The following MYO9A variants were observed in gnomAD, a reference collection of about 807,000 sequenced individuals.
MYO9A encodes unconventional myosin-IXa.
Under a neutral mutation model 293.3 loss-of-function variants are expected in MYO9A, and 103 were observed. That is an observed-to-expected ratio of 0.35 (90% confidence interval 0.30 to 0.41). The LOEUF (loss-of-function observed/expected upper bound fraction) is 0.41, where lower values mean the gene tolerates loss of function less well. Ranked by LOEUF, MYO9A falls within the 10% of genes least tolerant of loss-of-function variation. The pLI, the probability that MYO9A is intolerant of heterozygous loss-of-function variation, is 1.00. For missense variants in MYO9A, 2,685 were observed against 3,033.0 expected (o/e 0.89, Z 2.69); for synonymous variants, 1,001 against 1,035.7 (o/e 0.97, Z 0.64).
At chr15:71,998,404 T>A (rs953204646) in intron 9 of MYO9A, among the ~76,000 whole-genome samples, 2 of 151,926 alleles carry the variant, frequency 1.3e-5, no homozygotes, top group African/African-American at 4.8e-5. Flanking sequence ...TGACACAAGT[T>A]TACCTATATA....
chr15:71,984,096 CTT>C (rs769189839), intron 11 of MYO9A, among the ~76,000 whole-genome samples: 1 of 152,166 alleles, frequency 6.6e-6, no homozygotes, highest in Non-Finnish European at 1.5e-5. Context: ...TTTCTGCAGA[CTT>C]TATCTTTGCC....
intron 7 of MYO9A, among the ~76,000 whole-genome samples, chr15:72,008,338 T>A (rs570034405): frequency 6.6e-6 from 1 of 152,270 alleles, no homozygotes; most frequent in Non-Finnish European, 1.5e-5. Context: ...AGGCCTTGAA[T>A]CTGTATTTTT....
At chr15:72,018,341 G>A (rs528097753) in intron 6 of MYO9A, among the ~76,000 whole-genome samples, 54 of 152,122 alleles carry the variant, frequency 3.5e-4, no homozygotes, top group African/African-American at 1.3e-3. Flanking sequence ...GGTGGCGCAC[G>A]CCTGTAATCC....
At chr15:72,062,126 T>A (rs993328355) in intron 1 of MYO9A, among the ~76,000 whole-genome samples, 1 of 152,178 alleles carries the variant, frequency 6.6e-6, no homozygotes, top group Non-Finnish European at 1.5e-5. Context: ...AAAGCCACAG[T>A]GTTACTGGGG....
At chr15:71,838,152 T>G (rs1227558035) in intron 39 of MYO9A, among the ~76,000 whole-genome samples, 2 of 152,184 alleles carry the variant, frequency 1.3e-5, no homozygotes, top group African/African-American at 4.8e-5. Context: ...AAGTGGTTTA[T>G]AGTATCCTTT....
intron 11 of MYO9A, among the ~76,000 whole-genome samples, chr15:71,984,876 T>C (rs2148135917): frequency 6.6e-6 from 1 of 152,320 alleles, no homozygotes; most frequent in African/African-American, 2.4e-5. Flanking sequence ...GCTAATATCA[T>C]TGGCTGGATC....
chr15:72,066,485 A>AG (rs569088704), intron 1 of MYO9A, among the ~76,000 whole-genome samples: 18 of 81,794 alleles, frequency 2.2e-4, no homozygotes, highest in Middle Eastern at 5.9e-3. Context: ...ACTTGGTCTC[A>AG]AAAAAAAAAA....
intron 31 of MYO9A, among the ~76,000 whole-genome samples, chr15:71,876,425 ATTTTTTTTTTTTT>A (rs397854202): frequency 0.14 from 8,396 of 61,236 alleles, 422 homozygotes; most frequent in Non-Finnish European, 0.18. Flanking sequence ...CCTGGCTGGT[ATTTTTTTTTTTTT>A]TTTTTTTTTT....
intron 1 of MYO9A, among the ~76,000 whole-genome samples, chr15:72,048,042 T>C (rs1387903084): frequency 1.3e-5 from 2 of 151,948 alleles, no homozygotes; most frequent in African/African-American, 4.8e-5. Flanking sequence ...CAAGAAACTA[T>C]TTTTTCCTGT....
At position 71,869,882 on chromosome 15, in the gene MYO9A, T is replaced by C. The variant is rs146003550; in HGVS notation, c.5979+5909A>G. On this transcript the variant is annotated intron_variant, in intron 32 of 41. Transcript: ENST00000356056. ...TAGATGCTTACTATGTGTCAGGAAC[T>C]GGCATGAACTTGTTGTGGAAAAGAA... 9.0e-3 allele frequency among the ~76,000 whole-genome samples: 1,369 copies of C among 152,334 alleles called. 11 individuals carry two copies. The highest frequency in any genetic ancestry group is 0.014 in the Non-Finnish European group (986 of 68,018).
intron 1 of MYO9A, among the ~76,000 whole-genome samples, chr15:72,056,002 T>C (rs1327202146): frequency 6.6e-6 from 1 of 152,080 alleles, no homozygotes; most frequent in African/African-American, 2.4e-5. Context: ...CCAAGGCAGG[T>C]GGATCACCTG....
intron 1 of MYO9A, among the ~76,000 whole-genome samples, chr15:72,103,374 A>C (rs2080442462): frequency 6.6e-6 from 1 of 150,620 alleles, no homozygotes; most frequent in Admixed American, 6.6e-5. Context: ...CAGCAGCAGA[A>C]GCAGAAGCAG....
chr15:71,880,237 G>A (rs2056831968), intron 29 of MYO9A, 98 bp downstream of exon 29: 1 of 1,010,416 alleles, frequency 9.9e-7, no homozygotes, highest in Non-Finnish European at 1.5e-6. Context: ...AAGCATGGAA[G>A]CATATGTAAT....
chr15:72,063,047 T>C (rs1000519196), intron 1 of MYO9A, among the ~76,000 whole-genome samples: 1 of 152,102 alleles, frequency 6.6e-6, no homozygotes, highest in African/African-American at 2.4e-5. Context: ...CAAAACAGCA[T>C]AACAACAGAC....
chr15:71,960,224 G>A, intron 13 of MYO9A, 128 bp from the exon 14 acceptor site: 1 of 777,014 alleles, frequency 1.3e-6, no homozygotes, highest in Admixed American at 2.4e-5. Flanking sequence ...CCCCCATGGT[G>A]GAGATGGGGC....
chr15:72,015,677 G>T (rs546888516), intron 6 of MYO9A, among the ~76,000 whole-genome samples: 2 of 146,898 alleles, frequency 1.4e-5, no homozygotes, highest in South Asian at 4.3e-4. Context: ...AAGTTACTCA[G>T]ATCAGGTTTT....
Position 72,010,381 on chromosome 15 carries a change from T to C in MYO9A, c.1222A>G (p.Met408Val), listed in dbSNP as rs1173959875. The C allele has an allele frequency of 1.2e-6, 2 of 1,613,580 alleles. No homozygotes were observed. Among genetic ancestry groups the C allele is most frequent in the South Asian group, 1.1e-5 (1 of 91,008 alleles). Reference sequence around the variant, plus strand: ...CGTGTCTTGGGAAGAAATCCTACCATTTCCATGGCAAGTTGTAGGCGCTCA... The same window carrying C: ...CGTGTCTTGGGAAGAAATCCTACCACTTCCATGGCAAGTTGTAGGCGCTCA... ...DFERLQLAME[M>V]VGFLPKTRRQ... Residue 408 changes from methionine (M) to valine (V), a missense_variant, in exon 7 of 42, where the codon ATG becomes GTG. Met to Val is a conservative substitution (Grantham distance 21). Around this residue, in one of 10 missense-constraint regions of MYO9A, gnomAD observed 289 missense variants for 456.8 expected, o/e 0.63. Coordinates refer to ENST00000356056, the MANE Select transcript of MYO9A (RefSeq NM_006901.4).
intron 18 of MYO9A, among the ~76,000 whole-genome samples, chr15:71,928,457 ATTTTT>A (rs1157803949): frequency 2.0e-5 from 3 of 151,268 alleles, no homozygotes; most frequent in African/African-American, 4.9e-5. Context: ...GAATTTCAGG[ATTTTT>A]TTTATTTCTG....
At chr15:71,912,382 A>G (rs2057883306) in intron 19 of MYO9A, among the ~76,000 whole-genome samples, 1 of 151,878 alleles carries the variant, frequency 6.6e-6, no homozygotes, top group South Asian at 2.1e-4. Flanking sequence ...CAGCCTCCCA[A>G]GTAGCTGGGA....
Sources: gnomAD v4.1 joint callset for allele counts (sites outside exome capture counted in the v4.1 genomes callset) on GRCh38, gnomAD v4.1.1 for gene constraint, gnomAD v4.1.1 regional missense constraint, MANE v1.5 for transcripts, NCBI Gene and HGNC (gene_info 2026-07-23, HGNC 2026-07-21) for gene names.